The following DNAH12 variants were observed in gnomAD, a reference collection of about 807,000 sequenced individuals.
The protein encoded by DNAH12 is axonemal beta dynein heavy chain 12.
A neutral mutation model predicts 371.5 loss-of-function variants in DNAH12; 285 were observed. The observed-to-expected ratio is 0.77, with a 90% CI of 0.70 to 0.85. The LOEUF is 0.85. Ranked by LOEUF, DNAH12 falls within the 40% of genes least tolerant of loss-of-function variation. DNAH12 has a pLI of 0.00. For missense variants in DNAH12, 3,611 were observed against 3,689.4 expected (o/e 0.98, Z 0.55); for synonymous variants, 1,200 against 1,213.0 (o/e 0.99, Z 0.22).
At chr3:57,550,149 CA>C in the DNAH12 span, among the ~76,000 whole-genome samples, 4 of 151,422 alleles carry the variant, frequency 2.6e-5, no homozygotes, top group African/African-American at 9.7e-5. Context: ...CCCATCTCTA[CA>C]AAAAAAAGTT....
At chr3:57,523,631 T>A in intron 3 of DNAH12, 22 bp from the exon 4 acceptor site, 1 of 1,537,522 alleles carries the variant, frequency 6.5e-7, no homozygotes, top group Non-Finnish European at 8.7e-7. Context: ...AAACAGGATA[T>A]AATTAAATCA....
intron 30 of DNAH12, 124 bp from the exon 31 acceptor site, chr3:57,433,952 T>C: frequency 1.2e-6 from 1 of 823,508 alleles, no homozygotes. Context: ...TATGAATTTT[T>C]CTCAGACATG....
chr3:57,332,464 G>A (rs930508197), intron 62 of DNAH12, among the ~76,000 whole-genome samples: 1 of 152,180 alleles, frequency 6.6e-6, no homozygotes, highest in African/African-American at 2.4e-5. Flanking sequence ...GGGGCAATAG[G>A]TGGTATAGGA....
chr3:57,427,137 A>AGTGTGTGT (rs1559646432), intron 34 of DNAH12, among the ~76,000 whole-genome samples: 6 of 70,520 alleles, frequency 8.5e-5, no homozygotes, highest in Non-Finnish European at 1.3e-4. Flanking sequence ...GTAAGAAGCG[A>AGTGTGTGT]ATGTGTGTGT....
Position 57,446,087 on chromosome 3 carries a change from C to A in DNAH12, c.4123G>T (p.Ala1375Ser), listed in dbSNP as rs1347284728. 7 of 1,551,498 alleles carry A rather than the reference C, an allele frequency of 4.5e-6. No individual in the cohort carries two copies. The highest frequency in any genetic ancestry group is 2.0e-5 in the Admixed American group (1 of 50,966). ...GCATAGCCAGGATTCATGGTAATAG[C>A]TACAAAACAATTCGGATTGAGCTTA... ...ELKLNPNCFV[A>S]ITMNPGYAGR... Residue 1375 changes from alanine to serine, a missense_variant, in exon 27 of 74, where the codon GCT (alanine) becomes TCT (serine). Ala to Ser is a moderately conservative substitution (Grantham distance 99). Around this residue, in one of 3 missense-constraint regions of DNAH12, gnomAD observed 2,266 missense variants for 2,236.9 expected, o/e 1.01. Transcript: ENST00000495027.
At chr3:57,541,585 C>G (rs979250676) in intron 2 of DNAH12, among the ~76,000 whole-genome samples, 2 of 151,552 alleles carry the variant, frequency 1.3e-5, no homozygotes, top group South Asian at 2.1e-4. Context: ...AGACTCATCT[C>G]AAATTCCTGG....
At chr3:57,324,947 C>A (rs968335175) in intron 62 of DNAH12, among the ~76,000 whole-genome samples, 2 of 152,234 alleles carry the variant, frequency 1.3e-5, no homozygotes, top group Admixed American at 6.5e-5. Flanking sequence ...GGGTCCTACG[C>A]CCATGAAGTC....
intron 65 of DNAH12, among the ~76,000 whole-genome samples, chr3:57,317,245 T>A (rs578140422): frequency 6.6e-6 from 1 of 152,240 alleles, no homozygotes; most frequent in Non-Finnish European, 1.5e-5. Context: ...ACATTTAACA[T>A]GAAATCTACC....
chr3:57,346,536 G>A (rs9870648), intron 60 of DNAH12, among the ~76,000 whole-genome samples: 49,125 of 151,548 alleles, frequency 0.32, 8,707 homozygotes, highest in African/African-American at 0.46. Flanking sequence ...GAGGAAAACA[G>A]TAACAACAAC....
chr3:57,311,076 T>C, intron 66 of DNAH12, 126 bp from the exon 67 acceptor site: 1 of 733,962 alleles, frequency 1.4e-6, no homozygotes, highest in Non-Finnish European at 2.2e-6. Context: ...TTTCGGTAGC[T>C]GAGATTGTTA....
intron 2 of DNAH12, among the ~76,000 whole-genome samples, chr3:57,525,504 C>T (rs2068614310): frequency 6.6e-6 from 1 of 151,954 alleles, no homozygotes; most frequent in South Asian, 2.1e-4. Context: ...AGAGAGGTGG[C>T]AGTCATCACT....
chr3:57,541,602 G>C (rs942679151), intron 2 of DNAH12, among the ~76,000 whole-genome samples: 1 of 151,364 alleles, frequency 6.6e-6, no homozygotes, highest in Non-Finnish European at 1.5e-5. Flanking sequence ...CTGGGCTCAA[G>C]CAATCCTCCC....
intron 44 of DNAH12, among the ~76,000 whole-genome samples, chr3:57,393,386 G>T (rs891024417): frequency 6.6e-6 from 1 of 152,052 alleles, no homozygotes; most frequent in African/African-American, 2.4e-5. Context: ...CCAGCACTTT[G>T]GGGGGCCGAG....
At chr3:57,438,918 C>CGAAAAAACAAAAAAAAAAAAAAAAA (rs562343761) in intron 29 of DNAH12, among the ~76,000 whole-genome samples, 1 of 94,496 alleles carries the variant, frequency 1.1e-5, no homozygotes, top group Non-Finnish European at 2.0e-5. Flanking sequence ...CTGTCTCAGA[C>CGAAAAAACAAAAAAAAAAAAAAAAA]AAAAAAAAAA....
Position 57,491,765 on chromosome 3 carries a change from C to T in DNAH12, c.1336-2078G>A, listed in dbSNP as rs547634617. On this transcript the variant is annotated intron_variant, in intron 11 of 73. Coordinates refer to ENST00000495027, the MANE Select transcript of DNAH12 (RefSeq NM_001366028.2). Reference sequence around the variant, plus strand: ...AGCCTGAGCAACATAGGGAAACCCCCATCTCTACAAAAAAAAATAATAATT... The same window carrying T: ...AGCCTGAGCAACATAGGGAAACCCCTATCTCTACAAAAAAAAATAATAATT... Among the ~76,000 whole-genome samples the T allele has an allele frequency of 4.7e-5, 7 of 149,808 alleles. No individual in the cohort carries two copies. In the Middle Eastern group the frequency reaches 0.01, roughly 220 times the overall value.
chr3:57,367,980 C>A (rs1253158164), intron 56 of DNAH12, 66 bp downstream of exon 56: 2 of 152,204 alleles, frequency 1.3e-5, no homozygotes, highest in Non-Finnish European at 2.9e-5. Flanking sequence ...TAGTAGGCTT[C>A]TTTCATGCCT....
At chr3:57,330,147 C>T (rs2062059607) in intron 62 of DNAH12, among the ~76,000 whole-genome samples, 1 of 151,724 alleles carries the variant, frequency 6.6e-6, no homozygotes, top group Non-Finnish European at 1.5e-5. Flanking sequence ...TTGTGGAAGT[C>T]AGTATGGTGA....
chr3:57,411,649 T>C (rs2153355719), intron 39 of DNAH12, among the ~76,000 whole-genome samples: 1 of 150,726 alleles, frequency 6.6e-6, no homozygotes, highest in Non-Finnish European at 1.5e-5. Flanking sequence ...AAGATCTATA[T>C]GAGGAAAACT....
intron 17 of DNAH12, among the ~76,000 whole-genome samples, chr3:57,466,766 G>C (rs765733276): frequency 1.3e-4 from 19 of 151,324 alleles, no homozygotes; most frequent in Non-Finnish European, 1.9e-4. Context: ...ATTTTTTTTT[G>C]AGACAGGGTC....
Sources: gnomAD v4.1 joint callset for allele counts (sites outside exome capture counted in the v4.1 genomes callset) on GRCh38, gnomAD v4.1.1 for gene constraint, gnomAD v4.1.1 regional missense constraint, MANE v1.5 for transcripts, NCBI Gene and HGNC (gene_info 2026-07-23, HGNC 2026-07-21) for gene names.